STXBP4: variants seen among roughly 807,000 people sequenced by gnomAD.
STXBP4 encodes the protein syntaxin-binding protein 4.
In STXBP4, 55 loss-of-function variants were observed where a neutral mutation model predicts 76.1. The ratio of observed to expected loss-of-function variants is 0.72; its 90% CI spans 0.58 to 0.91. The LOEUF (loss-of-function observed/expected upper bound fraction) is 0.91. STXBP4 is among the 40% of genes least tolerant of loss of function. The probability of loss-of-function intolerance (pLI) is 0.00; values close to 1 mark genes in which losing one functional copy is unlikely to be tolerated. For synonymous variants in STXBP4, 201 were observed against 220.2 expected (o/e 0.91, Z 0.77); for missense variants, 618 against 636.9 (o/e 0.97, Z 0.32).
chr17:55,146,659 G>A (rs2080158463), intron 17 of STXBP4, among the ~76,000 whole-genome samples: 1 of 151,924 alleles, frequency 6.6e-6, no homozygotes, highest in Non-Finnish European at 1.5e-5. Flanking sequence ...GGAGTTTGCA[G>A]TGAGCCAAGA....
At chr17:55,053,299 C>A (rs183710574) in intron 12 of STXBP4, among the ~76,000 whole-genome samples, 12 of 151,838 alleles carry the variant, frequency 7.9e-5, no homozygotes, top group African/African-American at 2.9e-4. Context: ...GGATAAAGGA[C>A]CATGATATAT....
At chr17:55,196,654 G>A in the STXBP4 span, among the ~76,000 whole-genome samples, 2 of 152,274 alleles carry the variant, frequency 1.3e-5, no homozygotes, top group South Asian at 4.2e-4. Flanking sequence ...TAGACTGTGG[G>A]CTCCTTTAAG....
chr17:55,076,981 A>G (rs922944005), intron 13 of STXBP4, among the ~76,000 whole-genome samples: 17 of 152,084 alleles, frequency 1.1e-4, no homozygotes, highest in African/African-American at 4.1e-4. Context: ...TATTTTTGAG[A>G]TGTATTTTTT....
At chr17:55,084,940 C>G in intron 16 of STXBP4, among the ~76,000 whole-genome samples, 1 of 152,052 alleles carries the variant, frequency 6.6e-6, no homozygotes, top group African/African-American at 2.4e-5. Context: ...TTCACAATAG[C>G]AAAGACTTGG....
chr17:55,139,814 G>T (rs1171196307), intron 16 of STXBP4, among the ~76,000 whole-genome samples: 1 of 152,148 alleles, frequency 6.6e-6, no homozygotes, highest in East Asian at 1.9e-4. Context: ...AAGGTGGCCT[G>T]TGTTAATATA....
chr17:55,081,276 C>A, intron 16 of STXBP4, 93 bp downstream of exon 16: 1 of 1,040,772 alleles, frequency 9.6e-7, no homozygotes, highest in Non-Finnish European at 1.3e-6. Context: ...AGTGGCTTGC[C>A]TACAGCAAAG....
intron 16 of STXBP4, among the ~76,000 whole-genome samples, chr17:55,087,599 T>C (rs985771520): frequency 6.6e-6 from 1 of 152,276 alleles, no homozygotes; most frequent in African/African-American, 2.4e-5. Context: ...GTTTCATTGG[T>C]CTGTGTGATT....
In STXBP4 at chr17:55,007,331, C is replaced by T. The variant is rs530123562; in HGVS notation, c.575-175C>T. ...CCTGGGCAACAGAGTGAGACTCTGT[C>T]CCCCCTCCAAAAAAAAAAAAGAAAA... On this transcript the variant is annotated intron_variant, in intron 7 of 17. Coordinates refer to ENST00000376352, the MANE Select transcript of STXBP4 (RefSeq NM_178509.6). Among the ~76,000 whole-genome samples the T allele has an allele frequency of 2.1e-5, 3 of 140,932 alleles. No individual in the cohort carries two copies. The East Asian group carries it at 6.3e-4, about 30-fold the overall frequency. The allele number at this position is 140,932 out of a possible 152,430, so 92.5% of individuals were successfully genotyped here. A position where few individuals can be genotyped will look rare whatever the true frequency, so the allele number is the denominator to read the frequency against.
intron 16 of STXBP4, among the ~76,000 whole-genome samples, chr17:55,084,291 G>A (rs890788765): frequency 1.1e-4 from 17 of 152,218 alleles, no homozygotes; most frequent in African/African-American, 3.9e-4. Context: ...TTAGAGAAGT[G>A]TCTGTTCATG....
intron 16 of STXBP4, among the ~76,000 whole-genome samples, chr17:55,123,577 C>T (rs1209573396): frequency 2.6e-5 from 4 of 152,066 alleles, no homozygotes; most frequent in Admixed American, 6.6e-5. Context: ...ACTGCAACAG[C>T]AAGCAGCAAT....
chr17:55,209,599 A>G, the STXBP4 span, among the ~76,000 whole-genome samples: 1 of 152,188 alleles, frequency 6.6e-6, no homozygotes, highest in East Asian at 1.9e-4. Flanking sequence ...TAGCAGACAC[A>G]TGCCTCCCTT....
chr17:55,007,441 C>A, intron 7 of STXBP4, 65 bp from the exon 8 acceptor site: 1 of 1,104,450 alleles, frequency 9.1e-7, no homozygotes, highest in Non-Finnish European at 1.4e-6. Flanking sequence ...CAGAACATAT[C>A]CTGTCAAATA....
the STXBP4 span, among the ~76,000 whole-genome samples, chr17:55,211,042 A>T: frequency 6.6e-6 from 1 of 152,072 alleles, no homozygotes; most frequent in Admixed American, 6.5e-5. Flanking sequence ...TGGAGTTTTC[A>T]TGTTCAAAGA....
At chr17:55,049,437 T>C (rs2078831606) in intron 12 of STXBP4, among the ~76,000 whole-genome samples, 1 of 151,620 alleles carries the variant, frequency 6.6e-6, no homozygotes, top group South Asian at 2.1e-4. Flanking sequence ...AATGGGAGGA[T>C]AAGAAAGAAA....
the STXBP4 span, among the ~76,000 whole-genome samples, chr17:55,213,179 G>A: frequency 2.6e-5 from 4 of 152,096 alleles, no homozygotes; most frequent in African/African-American, 4.8e-5. Flanking sequence ...TGTTTTTCCT[G>A]GGACCAGGTA....
At position 54,999,429 on chromosome 17, in the gene STXBP4, A is replaced by T. The variant is rs1308636079; in HGVS notation, c.265A>T (p.Ile89Leu). 2 of 1,612,672 alleles carry T rather than the reference A, an allele frequency of 1.2e-6. No individual in the cohort carries two copies. Among genetic ancestry groups the T allele is most frequent in the African/African-American group, 2.7e-5 (2 of 74,880 alleles). Residue 89 changes from isoleucine (I) to leucine (L), a missense_variant, in exon 5 of 18, where the codon ATA becomes TTA. Ile to Leu is a conservative substitution (Grantham distance 5, BLOSUM62 2). Transcript: ENST00000376352. ...TGTATCATTTGAAGAAGCAAAAAGCATAATTACCGGAGCCAAGTTGAGGTA... is the reference window on the plus strand; with the variant it reads ...TGTATCATTTGAAGAAGCAAAAAGCTTAATTACCGGAGCCAAGTTGAGGTA... ...IGVSFEEAKSIITGAKLRLES... is the reference protein window; with the variant it reads ...IGVSFEEAKSLITGAKLRLES...
intron 10 of STXBP4, among the ~76,000 whole-genome samples, chr17:55,039,075 C>T (rs2078651829): frequency 6.6e-6 from 1 of 152,036 alleles, no homozygotes; most frequent in Non-Finnish European, 1.5e-5. Flanking sequence ...TTGTTATGTG[C>T]ACATGTTATT....
At chr17:55,038,366 C>A (rs2078640514) in intron 10 of STXBP4, among the ~76,000 whole-genome samples, 1 of 151,938 alleles carries the variant, frequency 6.6e-6, no homozygotes, top group Non-Finnish European at 1.5e-5. Context: ...TTATTTTTGC[C>A]CCTTATTGAA....
chr17:54,991,135 A>G (rs2144407602), intron 4 of STXBP4, 178 bp downstream of exon 4: 1 of 476,218 alleles, frequency 2.1e-6, no homozygotes, highest in East Asian at 4.0e-5. Context: ...TAAGAAATAA[A>G]TAGGTTCTTC....
Sources: allele counts gnomAD v4.1 joint callset (sites outside exome capture counted in the v4.1 genomes callset), GRCh38; gene constraint gnomAD v4.1.1; transcripts MANE v1.5; gene names NCBI Gene and HGNC (gene_info 2026-07-23, HGNC 2026-07-21).